CACNG2: variants seen among roughly 807,000 people sequenced by gnomAD.
CACNG2 encodes the protein calcium voltage-gated channel auxiliary subunit gamma 2.
A neutral mutation model predicts 25.9 loss-of-function variants in CACNG2; 3 were observed. The observed-to-expected ratio is 0.12, with a 90% CI of 0.05 to 0.30. The LOEUF (loss-of-function observed/expected upper bound fraction) is 0.30, where lower values mean the gene tolerates loss of function less well. CACNG2 is among the 10% of genes least tolerant of loss of function. The pLI is 1.00. For missense variants in CACNG2, 341 were observed against 432.5 expected, an observed-to-expected ratio of 0.79 and a Z score of 1.88; for synonymous variants, 167 against 173.3, an observed-to-expected ratio of 0.96 and a Z score of 0.29.
At chr22:36,595,496 A>G (rs1935665967) in intron 1 of CACNG2, among the ~76,000 whole-genome samples, 1 of 152,192 alleles carries the variant, frequency 6.6e-6, no homozygotes, top group Non-Finnish European at 1.5e-5. Flanking sequence ...CCAGCACACC[A>G]CTGGATGAAG....
In CACNG2 at chr22:36,702,687, A is replaced by G. The variant is rs1937425961; in HGVS notation, c.-111T>C. 1.3e-6 allele frequency: 1 copy of G among 757,348 alleles called. No homozygotes were observed. The highest frequency in any genetic ancestry group is 2.3e-6 in the Non-Finnish European group (1 of 435,298). 46.9% of individuals were successfully genotyped at this position (757,348 alleles called of 1,614,324 possible). A position where few individuals can be genotyped will look rare whatever the true frequency, so the allele number is the denominator to read the frequency against. Reference sequence around the variant, plus strand: ...AAATAAAAATAAAAATTATTCCACTACTAATATAATGGATATATGTATGAA... The same window carrying G: ...AAATAAAAATAAAAATTATTCCACTGCTAATATAATGGATATATGTATGAA... On this transcript the variant is annotated 5_prime_UTR_variant, in exon 1 of 4. Transcript: ENST00000300105.
chr22:36,662,921 C>G (rs1423650963), intron 1 of CACNG2, among the ~76,000 whole-genome samples: 1 of 152,048 alleles, frequency 6.6e-6, no homozygotes, highest in Non-Finnish European at 1.5e-5. Flanking sequence ...ATCTCTTTTA[C>G]TGGACCTTGG....
chr22:36,632,235 A>C (rs1243594986), intron 1 of CACNG2, among the ~76,000 whole-genome samples: 1 of 152,014 alleles, frequency 6.6e-6, no homozygotes, highest in Non-Finnish European at 1.5e-5. Context: ...GGTCTCTCGA[A>C]GACATAGGCT....
At position 36,679,231 on chromosome 22, in the gene CACNG2, C is replaced by CTTTCTTTCTTTCTTTCTTTCT. The variant is rs1569049917; in HGVS notation, c.211+23134_211+23135insAGAAAGAAAGAAAGAAAGAAA. ...CTTTCTTTCTTTCTTTCTTTCTTTC[C>CTTTCTTTCTTTCTTTCTTTCT]TTCTTTCTTTCTTTCTTTTCTTTAA... On this transcript the variant is annotated intron_variant, in intron 1 of 3. Transcript: ENST00000300105. Among the ~76,000 whole-genome samples the CTTTCTTTCTTTCTTTCTTTCT allele has an allele frequency of 6.9e-4, 60 of 86,678 alleles. 1 individual carries two copies. The highest frequency in any genetic ancestry group is 2.8e-3 in the African/African-American group (49 of 17,342). 56.9% of individuals were successfully genotyped at this position (86,678 alleles called of 152,430 possible). A position where few individuals can be genotyped will look rare whatever the true frequency, so the allele number is the denominator to read the frequency against.
chr22:36,616,975 C>G (rs557080657), intron 1 of CACNG2, among the ~76,000 whole-genome samples: 97 of 152,246 alleles, frequency 6.4e-4, no homozygotes, highest in African/African-American at 2.2e-3. Context: ...AGGAAAGGGA[C>G]ACAGACATTG....
intron 2 of CACNG2, among the ~76,000 whole-genome samples, chr22:36,572,112 AAT>A (rs2145910497): frequency 6.6e-6 from 1 of 152,290 alleles, no homozygotes; most frequent in South Asian, 2.1e-4. Flanking sequence ...TTAATGAACA[AAT>A]ATTTACTGGT....
chr22:36,587,022 T>G (rs1230678630), intron 2 of CACNG2, among the ~76,000 whole-genome samples: 1 of 151,936 alleles, frequency 6.6e-6, no homozygotes, highest in Non-Finnish European at 1.5e-5. Flanking sequence ...ATCCAATTAT[T>G]CAAGAAATAT....
At chr22:36,667,814 T>C (rs915423082) in intron 1 of CACNG2, among the ~76,000 whole-genome samples, 6 of 152,220 alleles carry the variant, frequency 3.9e-5, no homozygotes, top group Non-Finnish European at 7.3e-5. Flanking sequence ...GACAGAGCTA[T>C]GCTAATCAGT....
rs189883891 is a variant in CACNG2 at position 36,668,221 on chromosome 22, C to T, written c.211+34145G>A. ...GTCCTCACCATGATCATGCACGGCC[C>T]GTGCCTCCCAGGACAAGCCAGAGCT... On this transcript the variant is annotated intron_variant, in intron 1 of 3. Coordinates refer to ENST00000300105, the MANE Select transcript of CACNG2 (RefSeq NM_006078.5). 1.1e-4 allele frequency among the ~76,000 whole-genome samples: 17 copies of T among 152,346 alleles called. 1 individual carries two copies. Among genetic ancestry groups the T allele is most frequent in the African/African-American group, 3.8e-4 (16 of 41,572 alleles).
In CACNG2 at chr22:36,566,421, G is replaced by A. The variant is rs142914835; in HGVS notation, c.368C>T (p.Ala123Val). The change falls in exon 3 of 4, where the codon GCA becomes GTA. Residue 123 changes from alanine to valine, a missense_variant. This residue lies in a region of CACNG2 where 169 missense variants were observed against 254.4 expected (regional missense o/e 0.66). Transcript: ENST00000300105. The stretch of plus-strand genomic sequence containing the variant: ...TCGAGTTTTGTAGAACTCGCTGGCT[G>A]CGATGCAGAGGCCACCCATGAAAAG... ...ILLFMGGLCIAASEFYKTRHN... is the reference protein window; with the variant it reads ...ILLFMGGLCIVASEFYKTRHN... 2 of 1,613,972 alleles carry A rather than the reference G, an allele frequency of 1.2e-6. No individual in the cohort carries two copies. The highest frequency in any genetic ancestry group is 1.7e-6 in the Non-Finnish European group (2 of 1,179,972).
intron 1 of CACNG2, among the ~76,000 whole-genome samples, chr22:36,668,423 C>T (rs996999022): frequency 7.2e-5 from 11 of 152,246 alleles, no homozygotes; most frequent in South Asian, 2.1e-4. Context: ...GCCATCTGCA[C>T]GCTTGAGAAC....
At chr22:36,690,413 G>A (rs910292380) in intron 1 of CACNG2, among the ~76,000 whole-genome samples, 3 of 152,120 alleles carry the variant, frequency 2.0e-5, no homozygotes, top group African/African-American at 4.8e-5. Flanking sequence ...TTTTCAATTT[G>A]TAGAACATTT....
chr22:36,580,183 G>A (rs1935389839), intron 2 of CACNG2, among the ~76,000 whole-genome samples: 1 of 152,148 alleles, frequency 6.6e-6, no homozygotes, highest in African/African-American at 2.4e-5. Context: ...GGTTCACCGG[G>A]AAGTGGCAGA....
chr22:36,673,179 T>C (rs1936975580), intron 1 of CACNG2, among the ~76,000 whole-genome samples: 1 of 152,146 alleles, frequency 6.6e-6, no homozygotes, highest in Admixed American at 6.5e-5. Flanking sequence ...TGAGCCAGGA[T>C]TGTGCCACTG....
chr22:36,594,830 C>A (rs1470614675), intron 1 of CACNG2, among the ~76,000 whole-genome samples: 1 of 108,430 alleles, frequency 9.2e-6, no homozygotes, highest in Non-Finnish European at 1.9e-5. Context: ...GTGTGTACAT[C>A]GGTGTGTGTG....
At chr22:36,672,020 A>G (rs914263901) in intron 1 of CACNG2, among the ~76,000 whole-genome samples, 24 of 152,328 alleles carry the variant, frequency 1.6e-4, no homozygotes, top group Middle Eastern at 3.4e-3. Flanking sequence ...GAAGAAACAC[A>G]TCACATTCTC....
chr22:36,679,222 C>CTTTCTTTA (rs1343832350), intron 1 of CACNG2, among the ~76,000 whole-genome samples: 1 of 143,714 alleles, frequency 7.0e-6, no homozygotes, highest in African/African-American at 2.6e-5. Context: ...TTCTTTCTTT[C>CTTTCTTTA]TTTCTTTCCT....
chr22:36,702,602 C>A lies in CACNG2; in HGVS notation c.-26G>T. ...AATTCTTCATTATATAAACACCCAA[C>A]CGACTTCTGGTTCTCGGGAGAGTGT... On this transcript the variant is annotated 5_prime_UTR_variant, in exon 1 of 4. Coordinates refer to ENST00000300105, the MANE Select transcript of CACNG2 (RefSeq NM_006078.5). 3.1e-6 allele frequency: 5 copies of A among 1,590,778 alleles called. No individual in the cohort carries two copies. The highest frequency in any genetic ancestry group is 3.5e-6 in the Non-Finnish European group (4 of 1,158,942).
At chr22:36,611,910 T>A (rs1165536168) in intron 1 of CACNG2, among the ~76,000 whole-genome samples, 1 of 152,196 alleles carries the variant, frequency 6.6e-6, no homozygotes, top group Non-Finnish European at 1.5e-5. Context: ...TTCAGGAGTG[T>A]CAGTGCTGCT....
Sources: gnomAD v4.1 joint callset for allele counts (sites outside exome capture counted in the v4.1 genomes callset) on GRCh38, gnomAD v4.1.1 for gene constraint, gnomAD v4.1.1 regional missense constraint, MANE v1.5 for transcripts, NCBI Gene and HGNC (gene_info 2026-07-23, HGNC 2026-07-21) for gene names.